SPEF2: variants seen among roughly 807,000 people sequenced by gnomAD.
The protein encoded by SPEF2 is sperm flagellar and cilia associated 2, also known as sperm flagella and cilia-associated protein 2.
A neutral mutation model predicts 224.6 loss-of-function variants in SPEF2; 187 were observed. The ratio of observed to expected loss-of-function variants is 0.83; its 90% CI spans 0.74 to 0.94. The LOEUF (loss-of-function observed/expected upper bound fraction) is 0.94, where lower values mean the gene tolerates loss of function less well. Ranked by LOEUF, SPEF2 falls within the 40% of genes least tolerant of loss-of-function variation. The pLI is 0.00. For missense variants in SPEF2, 2,170 were observed against 2,135.6 expected (o/e 1.02, Z -0.32); for synonymous variants, 715 against 707.3 (o/e 1.01, Z -0.17).
intron 9 of SPEF2, among the ~76,000 whole-genome samples, chr5:35,669,363 T>C (rs1419535998): frequency 6.6e-6 from 1 of 152,136 alleles, no homozygotes; most frequent in East Asian, 1.9e-4. Context: ...CCTTGTTGTC[T>C]CCTAAGCATT....
chr5:35,628,351 G>T, intron 1 of SPEF2, 109 bp from the exon 2 acceptor site: 2 of 574,218 alleles, frequency 3.5e-6, no homozygotes, highest in South Asian at 3.2e-5. Flanking sequence ...ATGGCATTTT[G>T]AGTTCCAGTT....
intron 23 of SPEF2, among the ~76,000 whole-genome samples, chr5:35,750,964 A>G (rs1749307629): frequency 7.8e-6 from 1 of 128,256 alleles, no homozygotes; most frequent in East Asian, 2.2e-4. Context: ...TCAGTCAGTG[A>G]GTGGATAAAG....
rs753153824 is a variant in SPEF2 at position 35,759,678 on chromosome 5, G to A, written c.3579G>A (p.Leu1193=). ...EDNKRFTRIP[L]VQLDSKDNSE... ...ACAAGAGATTTACTCGAATCCCTTT[G>A]GTCCAACTGGATAGTAAAGACAATT... Residue 1193 remains leucine, a synonymous_variant, in exon 25 of 37, where the codon TTG becomes TTA. Transcript: ENST00000356031. 2 of 1,607,076 alleles carry A rather than the reference G, an allele frequency of 1.2e-6. No individual in the cohort carries two copies. The highest frequency in any genetic ancestry group is 2.7e-5 in the African/African-American group (2 of 74,846).
chr5:35,624,725 C>G (rs916978301), intron 1 of SPEF2, among the ~76,000 whole-genome samples: 1 of 152,168 alleles, frequency 6.6e-6, no homozygotes, highest in Non-Finnish European at 1.5e-5. Flanking sequence ...CAACCTCCGC[C>G]TCCTGGGTTC....
At chr5:35,782,114 C>G (rs1754432074) in intron 30 of SPEF2, among the ~76,000 whole-genome samples, 1 of 152,204 alleles carries the variant, frequency 6.6e-6, no homozygotes, top group South Asian at 2.1e-4. Context: ...AAACATGACA[C>G]ACACCCATCC....
At chr5:35,784,319 A>G (rs1027351619) in intron 30 of SPEF2, among the ~76,000 whole-genome samples, 11 of 151,936 alleles carry the variant, frequency 7.2e-5, no homozygotes, top group African/African-American at 2.4e-4. Context: ...TAGTAGAGAC[A>G]AGGTTTCGCC....
chr5:35,786,307 C>A (rs1381450679), intron 30 of SPEF2, among the ~76,000 whole-genome samples: 1 of 152,124 alleles, frequency 6.6e-6, no homozygotes, highest in Non-Finnish European at 1.5e-5. Context: ...AATACAGTAA[C>A]ATTTAGAATC....
chr5:35,762,205 C>T (rs1440745690), intron 25 of SPEF2, among the ~76,000 whole-genome samples: 3 of 152,046 alleles, frequency 2.0e-5, no homozygotes, highest in Non-Finnish European at 4.4e-5. Context: ...AAGTTTATAC[C>T]TACTAATAGT....
At chr5:35,803,391 G>A (rs182946918) in intron 34 of SPEF2, among the ~76,000 whole-genome samples, 166 of 152,258 alleles carry the variant, frequency 1.1e-3, no homozygotes, top group African/African-American at 3.5e-3. Flanking sequence ...GTTCCTACCC[G>A]GGAAGCAGCT....
chr5:35,770,024 CA>C (rs1170034633), intron 26 of SPEF2, among the ~76,000 whole-genome samples: 3,882 of 102,832 alleles, frequency 0.038, 184 homozygotes, highest in African/African-American at 0.13. Flanking sequence ...TGTGTGTGTG[CA>C]TGTGCGTGTG....
intron 29 of SPEF2, among the ~76,000 whole-genome samples, 187 bp from the exon 30 acceptor site, chr5:35,778,930 G>T (rs919939327): frequency 4.6e-5 from 7 of 152,018 alleles, no homozygotes; most frequent in Non-Finnish European, 7.4e-5. Flanking sequence ...TATTTAATCT[G>T]CATTTATTTA....
chr5:35,690,725 A>T (rs995460535), intron 10 of SPEF2, among the ~76,000 whole-genome samples: 4 of 152,138 alleles, frequency 2.6e-5, no homozygotes, highest in Non-Finnish European at 4.4e-5. Flanking sequence ...ACTGTCTTTT[A>T]TCTGCTTACT....
chr5:35,756,419 G>C (rs1750455772), intron 24 of SPEF2, among the ~76,000 whole-genome samples: 2 of 152,136 alleles, frequency 1.3e-5, no homozygotes, highest in Non-Finnish European at 2.9e-5. Flanking sequence ...ACTGAAGGGA[G>C]CCTTATTTTG....
intron 1 of SPEF2, among the ~76,000 whole-genome samples, chr5:35,624,238 T>C (rs1048503641): frequency 2.0e-5 from 3 of 152,174 alleles, no homozygotes; most frequent in Non-Finnish European, 2.9e-5. Context: ...GGCATGTGGC[T>C]TGGAAGATTA....
At chr5:35,703,475 G>T (rs1739104322) in intron 16 of SPEF2, among the ~76,000 whole-genome samples, 1 of 152,146 alleles carries the variant, frequency 6.6e-6, no homozygotes, top group African/African-American at 2.4e-5. Context: ...TGGAAAGTTT[G>T]TGGTAGGAGT....
At chr5:35,639,664 GTT>G (rs201397077) in intron 2 of SPEF2, among the ~76,000 whole-genome samples, 1 of 139,202 alleles carries the variant, frequency 7.2e-6, no homozygotes, top group East Asian at 2.0e-4. Flanking sequence ...GAGAAGATTT[GTT>G]TTTTTTTTTT....
Position 35,711,375 on chromosome 5 carries a change from C to A in SPEF2, c.2840-1437C>A, listed in dbSNP as rs190808910. Among the ~76,000 whole-genome samples the A allele has an allele frequency of 3.3e-5, 5 of 151,698 alleles. No individual in the cohort carries two copies. In the East Asian group the frequency reaches 7.8e-4, roughly 24 times the overall value. On this transcript the variant is annotated intron_variant, in intron 19 of 36. Transcript: ENST00000356031. ...TTGTGATTTTTGTTAAAAAATTGTTCTATATTTTATTCAGTTCCATATTTT... is the reference window on the plus strand; with the variant it reads ...TTGTGATTTTTGTTAAAAAATTGTTATATATTTTATTCAGTTCCATATTTT...
intron 21 of SPEF2, among the ~76,000 whole-genome samples, chr5:35,729,408 C>T (rs1365467998): frequency 1.3e-5 from 2 of 152,116 alleles, no homozygotes; most frequent in African/African-American, 4.8e-5. Context: ...ACCCTGCAAA[C>T]AGGAGCAGAA....
At chr5:35,742,361 A>G (rs1561292397) in intron 23 of SPEF2, among the ~76,000 whole-genome samples, 1 of 152,120 alleles carries the variant, frequency 6.6e-6, no homozygotes, top group Non-Finnish European at 1.5e-5. Context: ...GTTTAAGATT[A>G]TGCTTATTTT....
Sources: gnomAD v4.1 joint callset for allele counts (sites outside exome capture counted in the v4.1 genomes callset) on GRCh38, gnomAD v4.1.1 for gene constraint, MANE v1.5 for transcripts, NCBI Gene and HGNC (gene_info 2026-07-23, HGNC 2026-07-21) for gene names.